The following EYA1 variants were observed in gnomAD, a reference collection of about 807,000 sequenced individuals.
EYA1 encodes protein phosphatase EYA1.
Under a neutral mutation model 82.0 loss-of-function variants are expected in EYA1, and 16 were observed. That is an observed-to-expected ratio of 0.20 (90% CI 0.13 to 0.30). EYA1 has a LOEUF of 0.30. Ranked by LOEUF, EYA1 falls within the 10% of genes least tolerant of loss-of-function variation. EYA1 has a pLI of 1.00. For synonymous variants in EYA1, 261 were observed against 264.4 expected (o/e 0.99, Z 0.12); for missense variants, 633 against 730.7 (o/e 0.87, Z 1.54).
At chr8:71,267,403 G>A (rs2128943226) in intron 11 of EYA1, among the ~76,000 whole-genome samples, 1 of 152,132 alleles carries the variant, frequency 6.6e-6, no homozygotes, top group East Asian at 1.9e-4. Flanking sequence ...TCACATGCAG[G>A]AAGATCTTCC....
At chr8:71,444,921 A>C (rs1277456580) in intron 2 of EYA1, among the ~76,000 whole-genome samples, 1 of 152,204 alleles carries the variant, frequency 6.6e-6, no homozygotes, top group African/African-American at 2.4e-5. Context: ...GAAATCCTAA[A>C]ATGTAATATT....
At chr8:71,529,994 T>C (rs1814138960) in intron 2 of EYA1, 1 of 152,158 alleles carries the variant, frequency 6.6e-6, no homozygotes, top group African/African-American at 2.4e-5. Context: ...CTCACACTCT[T>C]ATTAGTTTTT....
At chr8:71,279,244 G>C (rs1238324766) in intron 9 of EYA1, among the ~76,000 whole-genome samples, 2 of 152,180 alleles carry the variant, frequency 1.3e-5, no homozygotes, top group African/African-American at 4.8e-5. Context: ...TTCCCTAAAT[G>C]TAGATTCCAT....
At chr8:71,220,668 G>C (rs546042093) in intron 12 of EYA1, among the ~76,000 whole-genome samples, 1 of 152,322 alleles carries the variant, frequency 6.6e-6, no homozygotes, top group African/African-American at 2.4e-5. Flanking sequence ...AGTCACAAAC[G>C]AGAAAATATG....
At chr8:71,448,486 T>A (rs1807083826) in intron 2 of EYA1, among the ~76,000 whole-genome samples, 1 of 151,766 alleles carries the variant, frequency 6.6e-6, no homozygotes, top group Non-Finnish European at 1.5e-5. Context: ...CTTCCTCCCC[T>A]GAAGTCTTGA....
chr8:71,202,525 T>C (rs553966512), intron 17 of EYA1, among the ~76,000 whole-genome samples: 5 of 152,246 alleles, frequency 3.3e-5, no homozygotes, highest in South Asian at 4.1e-4. Context: ...AAGAACCACC[T>C]GGTCAAGCAG....
chr8:71,204,020 T>C (rs1172233146), intron 17 of EYA1, among the ~76,000 whole-genome samples: 1 of 152,204 alleles, frequency 6.6e-6, no homozygotes, highest in African/African-American at 2.4e-5. Context: ...CTCAGGTTGC[T>C]GAAGCCCTGG....
At chr8:71,417,716 G>C (rs1462219244) in intron 2 of EYA1, among the ~76,000 whole-genome samples, 1 of 152,150 alleles carries the variant, frequency 6.6e-6, no homozygotes, top group Non-Finnish European at 1.5e-5. Flanking sequence ...AACAAAGAAT[G>C]ATCCGGCCAA....
Position 71,216,729 on chromosome 8 carries a change from T to C in EYA1, c.1323A>G (p.Val441=), listed in dbSNP as rs776475658. The change falls in exon 14 of 18, where the codon GTA becomes GTG. Residue 441 remains valine, a synonymous_variant. Coordinates refer to ENST00000340726, the MANE Select transcript of EYA1 (RefSeq NM_000503.6). ...TTTTGTAGGTGTTGTAGATCTCTTT[T>C]ACCCGTCTGTAGCGGAAGGCCAACT... The part of the protein sequence containing the change: ...MRKLAFRYRR[V]KEIYNTYKNN... 65 of 1,613,012 alleles carry C rather than the reference T, an allele frequency of 4.0e-5. No homozygotes were observed. Among genetic ancestry groups the C allele is most frequent in the Non-Finnish European group, 5.4e-5 (64 of 1,179,646 alleles).
At chr8:71,346,016 G>GACACATACA (rs1563506382) in intron 3 of EYA1, among the ~76,000 whole-genome samples, 2 of 151,176 alleles carry the variant, frequency 1.3e-5, no homozygotes, top group African/African-American at 4.9e-5. Flanking sequence ...GTGCACACGT[G>GACACATACA]CGCGCACACA....
At chr8:71,317,972 C>T (rs1822117245) in intron 6 of EYA1, among the ~76,000 whole-genome samples, 1 of 152,114 alleles carries the variant, frequency 6.6e-6, no homozygotes, top group South Asian at 2.1e-4. Flanking sequence ...TATTTTCATA[C>T]TTAATTTTGT....
chr8:71,499,491 A>T (rs2129235549), intron 2 of EYA1, among the ~76,000 whole-genome samples: 1 of 152,232 alleles, frequency 6.6e-6, no homozygotes, highest in South Asian at 2.1e-4. Context: ...GGCTGAGTGC[A>T]GTCTGATTCC....
chr8:71,437,111 T>C (rs1806069648), intron 2 of EYA1, among the ~76,000 whole-genome samples: 1 of 149,446 alleles, frequency 6.7e-6, no homozygotes, highest in Non-Finnish European at 1.5e-5. Flanking sequence ...ATATCTTTTA[T>C]AGATATACAT....
chr8:71,414,899 T>G (rs1421938400), intron 2 of EYA1, among the ~76,000 whole-genome samples: 1 of 152,234 alleles, frequency 6.6e-6, no homozygotes, highest in Non-Finnish European at 1.5e-5. Context: ...GAAAAGACAG[T>G]GATTGAAATC....
chr8:71,309,457 G>A (rs1352993195), intron 7 of EYA1, among the ~76,000 whole-genome samples: 3 of 152,104 alleles, frequency 2.0e-5, no homozygotes, highest in African/African-American at 7.2e-5. Context: ...CTGCACATCA[G>A]TGCAAGCTGC....
chr8:71,334,089 T>C lies in EYA1; in HGVS notation c.202+8A>G, dbSNP rs768176235. On this transcript the variant is annotated splice_region_variant and intron_variant, in intron 4 of 17. Coordinates refer to ENST00000340726, the MANE Select transcript of EYA1 (RefSeq NM_000503.6). ...TGTTGATGTGAAAATCTAATATTTA[T>C]TCCTTACCTGAACCTGAGAAATTGT... The C allele has an allele frequency of 6.2e-7, 1 of 1,606,202 alleles. No individual in the cohort carries two copies. The highest frequency in any genetic ancestry group is 1.7e-5 in the Admixed American group (1 of 59,960).
chr8:71,243,026 C>A (rs1812677921), intron 12 of EYA1, among the ~76,000 whole-genome samples: 1 of 152,068 alleles, frequency 6.6e-6, no homozygotes, highest in African/African-American at 2.4e-5. Flanking sequence ...GATCCAGCTG[C>A]CTCTGCCTCC....
chr8:71,373,742 T>G (rs746003001), intron 2 of EYA1, among the ~76,000 whole-genome samples: 1 of 152,116 alleles, frequency 6.6e-6, no homozygotes, highest in Non-Finnish European at 1.5e-5. Context: ...CAAACTGTAT[T>G]ACAAAGTTAT....
upstream of EYA1, among the ~76,000 whole-genome samples, chr8:71,366,188 A>T (rs1165499052): frequency 6.6e-6 from 1 of 152,106 alleles, no homozygotes; most frequent in Non-Finnish European, 1.5e-5. Flanking sequence ...AACTTTAAGC[A>T]GCACTTCTTG....
Sources: gnomAD v4.1 joint callset for allele counts (sites outside exome capture counted in the v4.1 genomes callset) on GRCh38, gnomAD v4.1.1 for gene constraint, MANE v1.5 for transcripts, NCBI Gene and HGNC (gene_info 2026-07-23, HGNC 2026-07-21) for gene names.